Variants in CPAMD8 observed in about 807,000 individuals in gnomAD.
The protein encoded by CPAMD8 is C3 and PZP-like alpha-2-macroglobulin domain-containing protein 8.
CPAMD8 carries 146 observed loss-of-function variants against 224.7 expected under a neutral mutation model. The ratio of observed to expected loss-of-function variants is 0.65; its 90% CI spans 0.57 to 0.75. The LOEUF (loss-of-function observed/expected upper bound fraction) is 0.75. Ranked by LOEUF, CPAMD8 falls within the 30% of genes least tolerant of loss-of-function variation. The pLI is 0.00. For missense variants in CPAMD8, 2,301 were observed against 2,537.5 expected, an observed-to-expected ratio of 0.91 and a Z score of 2.00; for synonymous variants, 966 against 1,044.6, an observed-to-expected ratio of 0.92 and a Z score of 1.45.
At chr19:16,925,087 C>T in intron 26 of CPAMD8, 109 bp downstream of exon 26, 1 of 1,178,544 alleles carries the variant, frequency 8.5e-7, no homozygotes, top group Non-Finnish European at 1.2e-6. Flanking sequence ...CCACTTCCTC[C>T]CCTTTGCTGC....
At chr19:17,025,775 G>A (rs2057065680) in intron 1 of CPAMD8, among the ~76,000 whole-genome samples, 1 of 152,176 alleles carries the variant, frequency 6.6e-6, no homozygotes, top group African/African-American at 2.4e-5. Flanking sequence ...CCTAGGAGAG[G>A]GAAGTCTGGA....
chr19:16,899,545 A>G lies in CPAMD8; in HGVS notation c.4778T>C (p.Leu1593Pro). 6.6e-7 allele frequency: 1 copy of G among 1,521,986 alleles called. No individual in the cohort carries two copies. The highest frequency in any genetic ancestry group is 9.1e-7 in the Non-Finnish European group (1 of 1,096,378). The allele number at this position is 1,521,986 out of a possible 1,614,324, so 94.3% of individuals were successfully genotyped here. The change falls in exon 37 of 42, where the codon CTC becomes CCC. Residue 1593 changes from leucine (L) to proline (P), a missense_variant. Leu to Pro is a moderately conservative substitution (Grantham distance 98). Around this residue, in one of 4 missense-constraint regions of CPAMD8, gnomAD observed 1,709 missense variants for 1,753.2 expected, o/e 0.97. Coordinates refer to ENST00000443236, the MANE Select transcript of CPAMD8 (RefSeq NM_015692.5). The surrounding 1 kb of genome is among the most constrained non-coding windows in gnomAD (Gnocchi z 5.4). ...CTTCATCCCCATGTGCTTGTCAAGG[A>G]GCAGCTGCAGAGGAAGCCAGAAGTC... The part of the protein sequence containing the change: ...RADIESLEQL[L>P]LDKHMGMKRY...
intron 30 of CPAMD8, among the ~76,000 whole-genome samples, chr19:16,906,637 C>T (rs2144774051): frequency 6.6e-6 from 1 of 151,950 alleles, no homozygotes; most frequent in Admixed American, 6.6e-5. Flanking sequence ...CTCCTGGCCT[C>T]AAGTGATCTG....
chr19:16,897,916 C>A lies in CPAMD8; in HGVS notation c.4927G>T (p.Val1643Phe). The A allele has an allele frequency of 1.2e-6, 2 of 1,610,690 alleles. No individual in the cohort carries two copies. Among genetic ancestry groups the A allele is most frequent in the Non-Finnish European group, 1.7e-6 (2 of 1,179,240 alleles). Residue 1643 changes from valine (V) to phenylalanine (F), a missense_variant, in exon 38 of 42, where the codon GTC (valine) becomes TTC (phenylalanine). This residue lies in a region of CPAMD8 where 1,709 missense variants were observed against 1,753.2 expected (regional missense o/e 0.97). Coordinates refer to ENST00000443236, the MANE Select transcript of CPAMD8 (RefSeq NM_015692.5). ...GGTTCGTAGTAGTCGTACACGGAGA[C>A]TGGCAGCGCCGACGTCCTGCCCACC... ...CVVGRTSALP[V>F]SVYDYYEPAF... is the part of the protein sequence containing the mutation.
intron 36 of CPAMD8, among the ~76,000 whole-genome samples, chr19:16,900,107 G>C (rs1039514198): frequency 2.6e-5 from 4 of 151,894 alleles, no homozygotes; most frequent in African/African-American, 9.7e-5. Context: ...TTCTCCCCCA[G>C]CCAGAGCCGG....
intron 12 of CPAMD8, among the ~76,000 whole-genome samples, chr19:16,991,369 A>T (rs1482707379): frequency 1.3e-5 from 2 of 152,154 alleles, no homozygotes; most frequent in Non-Finnish European, 2.9e-5. Context: ...GGACCCCTGG[A>T]CTTGCAGCTG....
chr19:17,010,802 C>T (rs1384378046), intron 5 of CPAMD8, among the ~76,000 whole-genome samples: 1 of 152,088 alleles, frequency 6.6e-6, no homozygotes, highest in East Asian at 1.9e-4. Flanking sequence ...GCGGGTGTAT[C>T]ACCTGAGGTC....
intron 18 of CPAMD8, among the ~76,000 whole-genome samples, chr19:16,964,261 T>C (rs1203497955): frequency 6.6e-6 from 1 of 152,068 alleles, no homozygotes; most frequent in Non-Finnish European, 1.5e-5. Context: ...GCTGGTTTTT[T>C]GAAAAGATCA....
chr19:16,896,393 G>C, intron 40 of CPAMD8, 63 bp downstream of exon 40: 1 of 1,516,764 alleles, frequency 6.6e-7, no homozygotes, highest in East Asian at 2.4e-5. Context: ...GAGGGGAGGA[G>C]ATCCGTGGCC....
At chr19:16,961,399 G>A (rs889507363) in intron 18 of CPAMD8, among the ~76,000 whole-genome samples, 3 of 152,270 alleles carry the variant, frequency 2.0e-5, no homozygotes, top group Non-Finnish European at 4.4e-5. Flanking sequence ...CGCCCGCAGA[G>A]CCTTGCTCAC....
chr19:16,904,510 T>C lies in CPAMD8; in HGVS notation c.4070A>G (p.Asp1357Gly). 2 of 1,614,158 alleles carry C rather than the reference T, an allele frequency of 1.2e-6. No homozygotes were observed. Among genetic ancestry groups the C allele is most frequent in the Non-Finnish European group, 1.7e-6 (2 of 1,180,008 alleles). Reference sequence around the variant, plus strand: ...ACTGAAGCTCAAGAATGTGCCCTTGTCCACGTCCCAGGAATTTGACAGGCT... The same window carrying C: ...ACTGAAGCTCAAGAATGTGCCCTTGCCCACGTCCCAGGAATTTGACAGGCT... ...HWSLSNSWDV[D>G]KGTFLSFSDR... Residue 1357 changes from aspartate to glycine, a missense_variant, in exon 31 of 42, where the codon GAC (aspartate) becomes GGC (glycine). Asp to Gly is a moderately conservative substitution (Grantham distance 94). Transcript: ENST00000443236.
chr19:16,980,721 C>T (rs1251585950), intron 13 of CPAMD8, 35 bp from the exon 14 acceptor site: 13 of 1,487,236 alleles, frequency 8.7e-6, no homozygotes, highest in South Asian at 2.7e-5. Context: ...GGCTCTGCCT[C>T]GCACCAATGT....
intron 27 of CPAMD8, among the ~76,000 whole-genome samples, chr19:16,921,044 C>A (rs7252733): frequency 0.5 from 75,557 of 151,642 alleles, 20,522 homozygotes; most frequent in Non-Finnish European, 0.61. Flanking sequence ...TATCAGCTGT[C>A]GGCAAGGCAG....
At chr19:17,010,749 G>C (rs111295880) in intron 5 of CPAMD8, among the ~76,000 whole-genome samples, 3,923 of 152,220 alleles carry the variant, frequency 0.026, 67 homozygotes, top group South Asian at 0.063. Flanking sequence ...ATAGCCAGGT[G>C]CAGTGGCTCA....
chr19:16,924,846 A>G (rs2053301685), intron 26 of CPAMD8, among the ~76,000 whole-genome samples: 1 of 152,090 alleles, frequency 6.6e-6, no homozygotes, highest in Non-Finnish European at 1.5e-5. Flanking sequence ...CGGCCTCCCA[A>G]AGTGTTGGGA....
chr19:16,964,528 T>C (rs1229553056), intron 18 of CPAMD8, among the ~76,000 whole-genome samples: 1 of 152,130 alleles, frequency 6.6e-6, no homozygotes, highest in Admixed American at 6.6e-5. Context: ...TAACAGGCTC[T>C]GAAATCGAGG....
chr19:17,022,455 C>T (rs2123269263), intron 1 of CPAMD8, among the ~76,000 whole-genome samples: 1 of 152,172 alleles, frequency 6.6e-6, no homozygotes, highest in Admixed American at 6.5e-5. Flanking sequence ...ATTCCGGCCT[C>T]CAGCCTGTTG....
intron 29 of CPAMD8, among the ~76,000 whole-genome samples, chr19:16,912,579 T>C (rs1254724762): frequency 3.3e-5 from 5 of 152,130 alleles, no homozygotes; most frequent in African/African-American, 1.2e-4. Flanking sequence ...TGGAACCTGG[T>C]CTCTACTAAA....
chr19:16,946,333 GTATA>G (rs2054082467), intron 21 of CPAMD8, among the ~76,000 whole-genome samples: 1 of 149,526 alleles, frequency 6.7e-6, no homozygotes, highest in Non-Finnish European at 1.5e-5. Flanking sequence ...GGATTTGTTT[GTATA>G]TGTATGTATG....
Sources: allele counts gnomAD v4.1 joint callset (sites outside exome capture counted in the v4.1 genomes callset), GRCh38; gene constraint gnomAD v4.1.1; regional missense constraint gnomAD v4.1.1; non-coding constraint Gnocchi (gnomAD v3.1); transcripts MANE v1.5; gene names NCBI Gene and HGNC (gene_info 2026-07-23, HGNC 2026-07-21).